Variants in PRKCE observed in about 807,000 individuals in gnomAD.
The protein encoded by PRKCE is protein kinase C epsilon.
In PRKCE, 16 loss-of-function variants were observed where a neutral mutation model predicts 85.4. The observed-to-expected ratio is 0.19, with a 90% CI of 0.13 to 0.28. The LOEUF is 0.28. PRKCE is among the 10% of genes least tolerant of loss of function. The probability of loss-of-function intolerance (pLI) is 1.00; values close to 1 mark genes in which losing one functional copy is unlikely to be tolerated. For missense variants in PRKCE, 573 were observed against 975.2 expected, an observed-to-expected ratio of 0.59 and a Z score of 5.49; for synonymous variants, 388 against 371.5, an observed-to-expected ratio of 1.04 and a Z score of -0.51.
At chr2:45,980,482 C>G in intron 5 of PRKCE, 101 bp downstream of exon 5, 1 of 1,073,194 alleles carries the variant, frequency 9.3e-7, no homozygotes, top group South Asian at 1.4e-5. Flanking sequence ...TGCCTGAGAC[C>G]CTGTCATTTC....
intron 1 of PRKCE, among the ~76,000 whole-genome samples, chr2:45,829,919 A>C (rs910293542): frequency 1.3e-5 from 2 of 151,550 alleles, no homozygotes; most frequent in African/African-American, 4.9e-5. Flanking sequence ...TAAAAATACA[A>C]AAAATTAGCC....
At position 46,041,407 on chromosome 2, in the gene PRKCE, A is replaced by G. The variant is rs115253003; in HGVS notation, c.1437+30890A>G. Among the ~76,000 whole-genome samples, 601 of 152,362 alleles carry G rather than the reference A, an allele frequency of 3.9e-3. 8 individuals are homozygous for G. The highest frequency in any genetic ancestry group is 0.014 in the African/African-American group (576 of 41,584). Reference sequence around the variant, plus strand: ...AGCCACATACACCTGTTAGACACACATTGAGTTTTCAAGAGAGAAAAACAC... The same window carrying G: ...AGCCACATACACCTGTTAGACACACGTTGAGTTTTCAAGAGAGAAAAACAC... On this transcript the variant is annotated intron_variant, in intron 10 of 14. Transcript: ENST00000306156. This position sits in a 1 kb window ranked among gnomAD's most constrained non-coding sequence, Gnocchi z 5.5.
chr2:45,974,216 G>T (rs1702287769), intron 2 of PRKCE, among the ~76,000 whole-genome samples: 1 of 152,230 alleles, frequency 6.6e-6, no homozygotes, highest in South Asian at 2.1e-4. Flanking sequence ...ACTTGCCTAT[G>T]ATGGCAGCAC....
At chr2:45,989,106 G>A (rs1370925766) in intron 6 of PRKCE, among the ~76,000 whole-genome samples, 2 of 152,204 alleles carry the variant, frequency 1.3e-5, no homozygotes, top group Non-Finnish European at 2.9e-5. Flanking sequence ...CCTCCTGACG[G>A]AGCCTGCAGT....
chr2:45,848,869 C>T (rs1367246331), intron 2 of PRKCE, among the ~76,000 whole-genome samples: 4 of 152,040 alleles, frequency 2.6e-5, no homozygotes, highest in Non-Finnish European at 5.9e-5. Context: ...CCAGAATAAC[C>T]CAGGAAAACT....
At chr2:46,042,168 A>G (rs1452889218) in intron 10 of PRKCE, among the ~76,000 whole-genome samples, 1 of 152,238 alleles carries the variant, frequency 6.6e-6, no homozygotes, top group Non-Finnish European at 1.5e-5. Flanking sequence ...GTTAGGGAGC[A>G]GTACTTGCTG....
intron 10 of PRKCE, among the ~76,000 whole-genome samples, chr2:46,061,430 T>C (rs112515170): frequency 9.4e-6 from 1 of 106,326 alleles, no homozygotes; most frequent in Admixed American, 8.2e-5. Context: ...TTTTTATTCT[T>C]TTTTTTCCCC....
At chr2:45,963,037 T>C (rs1701483868) in intron 2 of PRKCE, among the ~76,000 whole-genome samples, 1 of 152,198 alleles carries the variant, frequency 6.6e-6, no homozygotes, top group African/African-American at 2.4e-5. Flanking sequence ...TAGCTGTTTC[T>C]GTGGAAAGAC....
At chr2:46,134,479 A>T (rs1674762943) in intron 11 of PRKCE, among the ~76,000 whole-genome samples, 1 of 152,242 alleles carries the variant, frequency 6.6e-6, no homozygotes, top group Admixed American at 6.5e-5. Flanking sequence ...GAAGAATGCA[A>T]GCAGCAGGGG....
chr2:45,743,996 T>G (rs111645766), intron 1 of PRKCE, among the ~76,000 whole-genome samples: 19 of 50,246 alleles, frequency 3.8e-4, no homozygotes, highest in East Asian at 3.0e-3. Flanking sequence ...CGTTGTGTGT[T>G]TTTTTTTTTT....
At chr2:46,059,599 G>A (rs749849239) in intron 10 of PRKCE, among the ~76,000 whole-genome samples, 9 of 152,216 alleles carry the variant, frequency 5.9e-5, no homozygotes, top group Non-Finnish European at 1.0e-4. Flanking sequence ...ATTCTAAGCA[G>A]ATTTGAGAGG....
intron 10 of PRKCE, among the ~76,000 whole-genome samples, chr2:46,043,705 G>T (rs934370927): frequency 2.2e-4 from 34 of 152,156 alleles, no homozygotes; most frequent in African/African-American, 8.2e-4. Context: ...GGTGAAAAGG[G>T]GGTTTCTGTT....
chr2:45,652,554 T>A lies in PRKCE; in HGVS notation c.348+106T>A. 9.4e-7 allele frequency: 1 copy of A among 1,064,856 alleles called. No individual in the cohort carries two copies. Among genetic ancestry groups the A allele is most frequent in the African/African-American group, 1.6e-5 (1 of 62,192 alleles). 66.0% of individuals were successfully genotyped at this position (1,064,856 alleles called of 1,614,324 possible). A position where few individuals can be genotyped will look rare whatever the true frequency, so the allele number is the denominator to read the frequency against. ...CTCCGGGACTTATTGACGACTGGGG[T>A]GTGTGTGCCTGTAAGTCTCAGTTTC... On this transcript the variant is annotated intron_variant, in intron 1 of 14. Transcript: ENST00000306156. This position sits in a 1 kb window ranked among gnomAD's most constrained non-coding sequence, Gnocchi z 7.7.
At chr2:45,741,504 C>T (rs1682568844) in intron 1 of PRKCE, among the ~76,000 whole-genome samples, 1 of 152,212 alleles carries the variant, frequency 6.6e-6, no homozygotes, top group South Asian at 2.1e-4. Context: ...CAAGGTTCTT[C>T]TGGGAGAAAC....
chr2:46,035,248 C>T (rs1391968824), intron 10 of PRKCE, among the ~76,000 whole-genome samples: 3 of 152,234 alleles, frequency 2.0e-5, no homozygotes, highest in African/African-American at 4.8e-5. Flanking sequence ...TCTTTGATAC[C>T]TCTAGAGAAA....
At chr2:46,163,834 G>A (rs1448433700) in intron 14 of PRKCE, among the ~76,000 whole-genome samples, 1 of 149,930 alleles carries the variant, frequency 6.7e-6, no homozygotes, top group African/African-American at 2.5e-5. Context: ...CCCCACGGAG[G>A]CCACTGAGAG....
intron 1 of PRKCE, among the ~76,000 whole-genome samples, chr2:45,784,614 A>C (rs1457619148): frequency 6.6e-6 from 1 of 152,174 alleles, no homozygotes; most frequent in Non-Finnish European, 1.5e-5. Flanking sequence ...AAGTAAGAAC[A>C]GGGCATCTCC....
chr2:45,776,313 G>A lies in PRKCE; in HGVS notation c.349-66687G>A, dbSNP rs117459493. ...CCTTTGGCATTTTCCTTGAGGTCAG[G>A]GATCAGACATCATTACTTGAATCCC... On this transcript the variant is annotated intron_variant, in intron 1 of 14. Transcript: ENST00000306156. Among the ~76,000 whole-genome samples the A allele has an allele frequency of 8.3e-4, 127 of 152,268 alleles. 2 individuals carry two copies. The East Asian group carries it at 0.022, about 27-fold the overall frequency.
chr2:46,086,080 G>C (rs1030071343), intron 10 of PRKCE, 128 bp from the exon 11 acceptor site: 9 of 920,202 alleles, frequency 9.8e-6, no homozygotes, highest in Non-Finnish European at 1.5e-5. Flanking sequence ...GTGCTACCAG[G>C]ATTCACCCAC....
Sources: gnomAD v4.1 joint callset for allele counts (sites outside exome capture counted in the v4.1 genomes callset) on GRCh38, gnomAD v4.1.1 for gene constraint, Gnocchi (gnomAD v3.1) non-coding constraint, MANE v1.5 for transcripts, NCBI Gene and HGNC (gene_info 2026-07-23, HGNC 2026-07-21) for gene names.